The following PSMA1 variants were observed in gnomAD, a reference collection of about 807,000 sequenced individuals.
PSMA1 encodes the protein proteasome 20S subunit alpha 1, also known as proteasome subunit alpha type-1.
In PSMA1, 3 loss-of-function variants were observed where a neutral mutation model predicts 38.4. That is an observed-to-expected ratio of 0.08 (90% CI 0.04 to 0.20). PSMA1 has a LOEUF of 0.20. Among genes scored for constraint, PSMA1 ranks in the 10% least tolerant of loss-of-function variants. The pLI, the probability that PSMA1 is intolerant of heterozygous loss-of-function variation, is 1.00. For synonymous variants in PSMA1, 101 were observed against 107.1 expected, an observed-to-expected ratio of 0.94 and a Z score of 0.35; for missense variants, 227 against 325.3, an observed-to-expected ratio of 0.70 and a Z score of 2.32.
chr11:14,565,464 G>T (rs1203628455), intron 2 of PSMA1, among the ~76,000 whole-genome samples: 2 of 152,088 alleles, frequency 1.3e-5, no homozygotes, highest in African/African-American at 2.4e-5. Context: ...TCTTGAATGT[G>T]AGCTTAGATT....
intron 2 of PSMA1, among the ~76,000 whole-genome samples, chr11:14,538,276 G>A (rs1344123638): frequency 1.3e-5 from 2 of 152,064 alleles, no homozygotes; most frequent in Non-Finnish European, 2.9e-5. Flanking sequence ...GTGGATGTTT[G>A]TTTTATATAA....
At chr11:14,527,122 G>A (rs920924849) in intron 2 of PSMA1, among the ~76,000 whole-genome samples, 3 of 151,444 alleles carry the variant, frequency 2.0e-5, no homozygotes, top group East Asian at 1.9e-4. Flanking sequence ...TCTCAAGGCC[G>A]CTTTACTTCC....
At chr11:14,632,919 T>A (rs574793495) in intron 1 of PSMA1, among the ~76,000 whole-genome samples, 19 of 151,646 alleles carry the variant, frequency 1.3e-4, no homozygotes, top group African/African-American at 4.3e-4. Flanking sequence ...TTTCTTCCAG[T>A]TGATCGCATC....
intron 1 of PSMA1, among the ~76,000 whole-genome samples, chr11:14,618,414 T>C (rs1852802005): frequency 6.6e-6 from 1 of 152,218 alleles, no homozygotes; most frequent in African/African-American, 2.4e-5. Flanking sequence ...CAATGGTCAC[T>C]TCAAAAATGA....
chr11:14,608,851 C>T (rs552117050), intron 2 of PSMA1, among the ~76,000 whole-genome samples: 2 of 151,858 alleles, frequency 1.3e-5, no homozygotes, highest in South Asian at 4.2e-4. Flanking sequence ...GATTCCCTTG[C>T]AAGTTAAGTC....
chr11:14,554,386 A>G (rs1851920287), intron 2 of PSMA1, among the ~76,000 whole-genome samples: 1 of 152,192 alleles, frequency 6.6e-6, no homozygotes, highest in Admixed American at 6.5e-5. Context: ...AACTCTTCAC[A>G]TTGCCCTAAG....
chr11:14,614,835 C>T (rs1590011477), intron 1 of PSMA1, among the ~76,000 whole-genome samples: 1 of 152,156 alleles, frequency 6.6e-6, no homozygotes, highest in East Asian at 1.9e-4. Flanking sequence ...TGCCTTTAGT[C>T]TTTCAGTACT....
chr11:14,620,351 A>T (rs533615764), intron 1 of PSMA1, among the ~76,000 whole-genome samples: 1 of 152,266 alleles, frequency 6.6e-6, no homozygotes, highest in South Asian at 2.1e-4. Flanking sequence ...TTTTCAGGTG[A>T]CTTCACTTGC....
At chr11:14,640,188 C>T (rs1056949453) in intron 1 of PSMA1, among the ~76,000 whole-genome samples, 12 of 151,380 alleles carry the variant, frequency 7.9e-5, no homozygotes, top group South Asian at 2.1e-4. Context: ...AGAGAGAGGT[C>T]GGGGGAAAGA....
intron 2 of PSMA1, among the ~76,000 whole-genome samples, chr11:14,583,673 G>A (rs1852307766): frequency 6.6e-6 from 1 of 152,202 alleles, no homozygotes; most frequent in South Asian, 2.1e-4. Flanking sequence ...AGGAGAGAGG[G>A]CAGACAGAGT....
chr11:14,510,135 C>A (rs1406260214), intron 8 of PSMA1, among the ~76,000 whole-genome samples: 2 of 152,184 alleles, frequency 1.3e-5, no homozygotes, highest in Non-Finnish European at 2.9e-5. Context: ...TGCAGAGTAA[C>A]CACAATGGCT....
intron 2 of PSMA1, among the ~76,000 whole-genome samples, chr11:14,589,691 G>A (rs1263415185): frequency 6.6e-6 from 1 of 152,104 alleles, no homozygotes; most frequent in African/African-American, 2.4e-5. Context: ...CAGCACTTAG[G>A]TAAGTACATG....
chr11:14,573,929 T>A (rs983222873), intron 2 of PSMA1, among the ~76,000 whole-genome samples: 1 of 152,190 alleles, frequency 6.6e-6, no homozygotes, highest in Admixed American at 6.5e-5. Flanking sequence ...TTGAGATATA[T>A]GATTTAGAGT....
At chr11:14,570,903 CAG>C (rs1261246468) in intron 2 of PSMA1, among the ~76,000 whole-genome samples, 1 of 152,132 alleles carries the variant, frequency 6.6e-6, no homozygotes, top group African/African-American at 2.4e-5. Flanking sequence ...ACATAATTAT[CAG>C]AGTCACCAAA....
At position 14,506,787 on chromosome 11, in the gene PSMA1, G is replaced by A. The variant is rs76000888; in HGVS notation, c.735+869C>T. On this transcript the variant is annotated intron_variant, in intron 9 of 9. Transcript: ENST00000396394. ...CATCTCAGCCTTAAGAATGCCTGGC[G>A]GCTTTCACTTCTGACTTTTGCAAGC... Among the ~76,000 whole-genome samples, 830 of 152,242 alleles carry A rather than the reference G, an allele frequency of 5.5e-3. 2 individuals are homozygous for A. The highest frequency in any genetic ancestry group is 9.0e-3 in the Non-Finnish European group (615 of 68,012).
At chr11:14,592,998 C>T (rs1852442179) in intron 2 of PSMA1, among the ~76,000 whole-genome samples, 2 of 152,124 alleles carry the variant, frequency 1.3e-5, no homozygotes, top group Admixed American at 1.3e-4. Flanking sequence ...TGTCTTCCTC[C>T]TCCCTCCTCC....
intron 1 of PSMA1, among the ~76,000 whole-genome samples, chr11:14,617,840 G>C (rs1486895749): frequency 6.6e-6 from 1 of 152,048 alleles, no homozygotes; most frequent in Non-Finnish European, 1.5e-5. Flanking sequence ...CACAGCCTGG[G>C]AGCTTGGCAC....
At chr11:14,618,697 T>C (rs1852805769) in intron 1 of PSMA1, among the ~76,000 whole-genome samples, 1 of 152,230 alleles carries the variant, frequency 6.6e-6, no homozygotes, top group African/African-American at 2.4e-5. Flanking sequence ...CTGGCTTCCA[T>C]TTATTATTCC....
rs552204139 is a variant in PSMA1 at position 14,559,152 on chromosome 11, A to G, written c.22-40111T>C. 3.9e-5 allele frequency among the ~76,000 whole-genome samples: 6 copies of G among 152,314 alleles called. No individual in the cohort carries two copies. In the South Asian group the frequency reaches 1.2e-3, roughly 32 times the overall value. On this transcript the variant is annotated intron_variant, in intron 2 of 10. Coordinates refer to the PSMA1 transcript ENST00000418988. ...AAGAAATTTGCTGAAGGAAGGAGAG[A>G]AGGAAACAAAAAAGAAAGGAAGCAA... is the stretch of plus-strand genomic sequence containing the variant.
Sources: allele counts gnomAD v4.1 joint callset (sites outside exome capture counted in the v4.1 genomes callset), GRCh38; gene constraint gnomAD v4.1.1; transcripts MANE v1.5; gene names NCBI Gene and HGNC (gene_info 2026-07-23, HGNC 2026-07-21).